AFTPH: variants seen among roughly 807,000 people sequenced by gnomAD.
The protein encoded by AFTPH is aftiphilin.
A neutral mutation model predicts 72.5 loss-of-function variants in AFTPH; 7 were observed. That is an observed-to-expected ratio of 0.10 (90% CI 0.05 to 0.18). The LOEUF (loss-of-function observed/expected upper bound fraction) is 0.18. Ranked by LOEUF, AFTPH falls within the 10% of genes least tolerant of loss-of-function variation. The pLI is 1.00. For missense variants in AFTPH, 979 were observed against 1,060.5 expected, an observed-to-expected ratio of 0.92 and a Z score of 1.07; for synonymous variants, 337 against 370.1, an observed-to-expected ratio of 0.91 and a Z score of 1.03.
chr2:64,579,647 T>TAACTTATTCTTATC, intron 7 of AFTPH, 101 bp downstream of exon 7: 6 of 1,046,130 alleles, frequency 5.7e-6, no homozygotes, highest in Non-Finnish European at 8.5e-6. Context: ...TGTTTGAACA[T>TAACTTATTCTTATC]AACTTATTCT....
chr2:64,556,548 G>A (rs556591981), intron 2 of AFTPH, among the ~76,000 whole-genome samples: 2 of 152,336 alleles, frequency 1.3e-5, no homozygotes, highest in South Asian at 4.1e-4. Context: ...AAATGGTATA[G>A]TTGGTCATTT....
chr2:64,525,218 C>T (rs546700515), intron 1 of AFTPH, among the ~76,000 whole-genome samples: 9 of 152,212 alleles, frequency 5.9e-5, no homozygotes, highest in African/African-American at 2.2e-4. Context: ...ATCTGCGTCT[C>T]CTCTCCAGTT....
chr2:64,527,163 TA>T (rs1013409768), intron 1 of AFTPH, among the ~76,000 whole-genome samples: 50 of 152,176 alleles, frequency 3.3e-4, no homozygotes, highest in African/African-American at 1.2e-3. Context: ...TTTATATCCT[TA>T]AAAAAAATCC....
chr2:64,564,996 G>A (rs1390049751), intron 2 of AFTPH, among the ~76,000 whole-genome samples: 1 of 151,780 alleles, frequency 6.6e-6, no homozygotes, highest in Non-Finnish European at 1.5e-5. Context: ...GCGCCACCAT[G>A]CCCTGCTAAT....
chr2:64,590,441 C>T (rs1211365052), intron 8 of AFTPH, among the ~76,000 whole-genome samples: 1 of 152,110 alleles, frequency 6.6e-6, no homozygotes, highest in Non-Finnish European at 1.5e-5. Context: ...CTGGTTGACT[C>T]CATTGTTAGT....
intron 4 of AFTPH, 36 bp downstream of exon 4, chr2:64,569,254 A>G: frequency 6.3e-7 from 1 of 1,583,100 alleles, no homozygotes; most frequent in Non-Finnish European, 8.6e-7. Context: ...TCTTTTAATC[A>G]ACCTGTGGAT....
At chr2:64,585,684 A>C in intron 8 of AFTPH, 139 bp downstream of exon 9, 1 of 873,778 alleles carries the variant, frequency 1.1e-6, no homozygotes, top group East Asian at 2.7e-5. Flanking sequence ...GCCCAAGTCC[A>C]GAAAATATTA....
chr2:64,572,522 ATTG>A lies in AFTPH; in HGVS notation c.2272-419_2272-417del, dbSNP rs535197378. On this transcript the variant is annotated intron_variant, in intron 5 of 8. Coordinates refer to ENST00000238856, the Ensembl canonical transcript of AFTPH. ...GATTTTTAGAGGTTAGATGTGACAT[ATTG>A]TTGTCTCCCCCCACCCATCCCGAGT... is the stretch of plus-strand genomic sequence containing the variant. 7.9e-4 allele frequency among the ~76,000 whole-genome samples: 120 copies of A among 152,242 alleles called. No homozygotes were observed. The South Asian group carries it at 0.015, about 19-fold the overall frequency.
Position 64,536,864 on chromosome 2 carries a change from G to A in AFTPH, c.-33+12252G>A, listed in dbSNP as rs532347212. ...GTTATTTGGGTGGCTGAAGTGGGAG[G>A]ATTGCTTGAACCCAGGAGGCAGAGG... is the stretch of plus-strand genomic sequence containing the variant. On this transcript the variant is annotated intron_variant, in intron 1 of 8. Transcript: ENST00000238856. Among the ~76,000 whole-genome samples the A allele has an allele frequency of 2.4e-4, 35 of 148,796 alleles. No individual in the cohort carries two copies. In the Middle Eastern group the frequency reaches 0.01, roughly 43 times the overall value.
chr2:64,536,426 C>T (rs1430247334), intron 1 of AFTPH, among the ~76,000 whole-genome samples: 1 of 151,660 alleles, frequency 6.6e-6, no homozygotes, highest in East Asian at 1.9e-4. Context: ...ATTAGATGGG[C>T]ATGGTAGCAC....
intron 6 of AFTPH, among the ~76,000 whole-genome samples, chr2:64,577,739 C>A (rs2104156006): frequency 6.6e-6 from 1 of 152,248 alleles, no homozygotes; most frequent in East Asian, 1.9e-4. Context: ...ACTAGGTTTT[C>A]AGCAGTTTTT....
At chr2:64,563,676 A>C (rs1246047049) in intron 2 of AFTPH, among the ~76,000 whole-genome samples, 1 of 152,156 alleles carries the variant, frequency 6.6e-6, no homozygotes, top group Non-Finnish European at 1.5e-5. Flanking sequence ...TTTGAGATGG[A>C]GTCTTGCACC....
intron 1 of AFTPH, among the ~76,000 whole-genome samples, chr2:64,550,677 GCACACA>G (rs56139158): frequency 0.044 from 5,746 of 130,094 alleles, 163 homozygotes; most frequent in African/African-American, 0.079. Flanking sequence ...CTGTACGCAT[GCACACA>G]CACACACACA....
chr2:64,579,532 C>T (rs1321339444), exon 7 of AFTPH: 6 of 1,613,854 alleles, frequency 3.7e-6, no homozygotes, highest in Non-Finnish European at 5.1e-6. Flanking sequence ...AGTGGCCTTA[C>T]TAACCCTTTA....
intron 1 of AFTPH, among the ~76,000 whole-genome samples, chr2:64,549,308 C>CTTTTTTTTTT (rs34951706): frequency 5.4e-5 from 3 of 55,982 alleles, no homozygotes; most frequent in African/African-American, 1.8e-4. Flanking sequence ...TTAGTCCTCC[C>CTTTTTTTTTT]TTTTTTTTTT....
At chr2:64,592,310 G>T in exon 9 of AFTPH, 1 of 232,716 alleles carries the variant, frequency 4.3e-6, no homozygotes, top group Non-Finnish European at 8.3e-6. Context: ...TTATGTCTTT[G>T]TGAAATACAC....
At chr2:64,591,936 C>T (rs369497944) in exon 9 of AFTPH, 27 of 1,613,788 alleles carry the variant, frequency 1.7e-5, no homozygotes, top group South Asian at 6.6e-5. Context: ...TCAAGGTGAT[C>T]GCTGGCCTTC....
intron 2 of AFTPH, among the ~76,000 whole-genome samples, chr2:64,561,371 G>A (rs1671733265): frequency 6.6e-6 from 1 of 152,144 alleles, no homozygotes; most frequent in African/African-American, 2.4e-5. Flanking sequence ...TGAAGATGAT[G>A]GCATTTAAAA....
At chr2:64,573,836 T>C (rs1672605078) in intron 6 of AFTPH, among the ~76,000 whole-genome samples, 1 of 152,064 alleles carries the variant, frequency 6.6e-6, no homozygotes, top group Non-Finnish European at 1.5e-5. Context: ...TTTTGTGTTT[T>C]TAGTAGAGAT....
Sources: allele counts gnomAD v4.1 joint callset (sites outside exome capture counted in the v4.1 genomes callset), GRCh38; gene constraint gnomAD v4.1.1; transcripts MANE v1.5; gene names NCBI Gene and HGNC (gene_info 2026-07-23, HGNC 2026-07-21).